The following GPHN variants were observed in gnomAD, a reference collection of about 807,000 sequenced individuals.
GPHN encodes the protein gephyrin.
GPHN carries 17 observed loss-of-function variants against 95.5 expected under a neutral mutation model. The observed-to-expected ratio is 0.18, with a 90% CI of 0.12 to 0.27. The LOEUF is 0.27. Ranked by LOEUF, GPHN falls within the 10% of genes least tolerant of loss-of-function variation. The pLI is 1.00. For synonymous variants in GPHN, 320 were observed against 322.5 expected (o/e 0.99, Z 0.08); for missense variants, 660 against 978.1 (o/e 0.67, Z 4.34).
At chr14:67,241,258 T>G in the GPHN span, 27 of 152,336 alleles carry the variant, frequency 1.8e-4, no homozygotes, top group Non-Finnish European at 3.7e-4. Context: ...GCGCGCCCAC[T>G]GCGCCAGAGT....
chr14:67,520,400 C>T, the GPHN span, among the ~76,000 whole-genome samples: 62 of 152,330 alleles, frequency 4.1e-4, no homozygotes, highest in African/African-American at 1.3e-3. Context: ...ACAGTTTTGC[C>T]TTTTCCAGAA....
intron 11 of GPHN, among the ~76,000 whole-genome samples, chr14:67,071,312 G>T (rs929805893): frequency 6.6e-6 from 1 of 152,144 alleles, no homozygotes; most frequent in Admixed American, 6.5e-5. Context: ...CATAAAAAAT[G>T]ATGAGTTCAT....
the GPHN span, chr14:67,332,651 C>T: frequency 0.034 from 30,144 of 877,678 alleles, 633 homozygotes; most frequent in Middle Eastern, 0.056. Context: ...TGGAAAGGAG[C>T]TCCTGAGGTT....
chr14:66,723,075 C>T (rs1162393350), intron 2 of GPHN, among the ~76,000 whole-genome samples: 1 of 151,958 alleles, frequency 6.6e-6, no homozygotes, highest in Non-Finnish European at 1.5e-5. Flanking sequence ...GTGTGTGTGA[C>T]AGGGTCTCAC....
At chr14:67,200,193 A>G in the GPHN span, 3 of 1,140,920 alleles carry the variant, frequency 2.6e-6, no homozygotes, top group South Asian at 1.6e-5. Context: ...GACTTCCTCC[A>G]CTGATGCCCC....
At chr14:66,796,710 A>G (rs2060169531) in intron 3 of GPHN, among the ~76,000 whole-genome samples, 1 of 151,962 alleles carries the variant, frequency 6.6e-6, no homozygotes, top group African/African-American at 2.4e-5. Context: ...CTCCTTATAT[A>G]TTCTGGTCAT....
At chr14:67,418,452 C>T in the GPHN span, among the ~76,000 whole-genome samples, 14 of 152,202 alleles carry the variant, frequency 9.2e-5, no homozygotes, top group Non-Finnish European at 1.5e-4. Flanking sequence ...TTACACATCC[C>T]TGTCCCATTG....
the GPHN span, among the ~76,000 whole-genome samples, chr14:67,707,834 G>C: frequency 6.6e-6 from 1 of 152,158 alleles, no homozygotes; most frequent in South Asian, 2.1e-4. Context: ...GGGCCTGTCA[G>C]AAAGTGACAT....
At chr14:67,379,999 C>T in the GPHN span, among the ~76,000 whole-genome samples, 1 of 152,090 alleles carries the variant, frequency 6.6e-6, no homozygotes, top group Admixed American at 6.6e-5. Flanking sequence ...TCCAGTGATC[C>T]CCCTGCCTCA....
chr14:67,641,154 C>A, the GPHN span, among the ~76,000 whole-genome samples: 6 of 152,256 alleles, frequency 3.9e-5, no homozygotes, highest in East Asian at 1.2e-3. Context: ...TGGTTTAATG[C>A]ACACAAACTT....
chr14:66,737,488 A>G (rs2072401625), intron 2 of GPHN, among the ~76,000 whole-genome samples: 1 of 151,900 alleles, frequency 6.6e-6, no homozygotes. Context: ...ACAGGCATGT[A>G]TCTCTTTCAA....
the GPHN span, among the ~76,000 whole-genome samples, chr14:67,427,104 G>C: frequency 6.6e-6 from 1 of 151,846 alleles, no homozygotes; most frequent in African/African-American, 2.4e-5. Context: ...GGTAGCCAGA[G>C]TGTATTGTGT....
intron 17 of GPHN, among the ~76,000 whole-genome samples, chr14:67,129,538 T>C (rs868676724): frequency 2.6e-5 from 4 of 152,196 alleles, no homozygotes; most frequent in African/African-American, 7.2e-5. Context: ...TATTTTGCAA[T>C]TGCTCAAATA....
At chr14:67,711,089 G>A in the GPHN span, among the ~76,000 whole-genome samples, 1 of 152,158 alleles carries the variant, frequency 6.6e-6, no homozygotes, top group Non-Finnish European at 1.5e-5. Context: ...TTATAGTTTA[G>A]CTTTGAAACA....
intron 18 of GPHN, among the ~76,000 whole-genome samples, chr14:67,155,709 C>G (rs919456450): frequency 2.0e-5 from 3 of 151,918 alleles, no homozygotes; most frequent in Non-Finnish European, 4.4e-5. Context: ...GTGAGCAAAA[C>G]GATATTTAAA....
intron 19 of GPHN, among the ~76,000 whole-genome samples, chr14:67,163,285 G>A (rs2082069750): frequency 6.6e-6 from 1 of 151,992 alleles, no homozygotes; most frequent in South Asian, 2.1e-4. Context: ...CAGCATGGGT[G>A]ACAGATCAAG....
intron 4 of GPHN, among the ~76,000 whole-genome samples, chr14:66,866,005 G>A (rs1016805165): frequency 6.6e-6 from 1 of 152,048 alleles, no homozygotes; most frequent in Admixed American, 6.6e-5. Flanking sequence ...GTTAGTGGGG[G>A]TAGTCATTTC....
chr14:67,725,593 T>G, the GPHN span, among the ~76,000 whole-genome samples: 3 of 152,244 alleles, frequency 2.0e-5, no homozygotes, highest in African/African-American at 7.2e-5. Context: ...GAAGTTGTGC[T>G]GCTGGCAAGT....
At chr14:66,676,161 C>G (rs2066576444) in intron 1 of GPHN, among the ~76,000 whole-genome samples, 1 of 152,070 alleles carries the variant, frequency 6.6e-6, no homozygotes, top group Non-Finnish European at 1.5e-5. Context: ...CCAACCTCCC[C>G]TCTTTTGGAA....
Sources: allele counts gnomAD v4.1 joint callset (sites outside exome capture counted in the v4.1 genomes callset), GRCh38; gene constraint gnomAD v4.1.1; transcripts MANE v1.5; gene names NCBI Gene and HGNC (gene_info 2026-07-23, HGNC 2026-07-21).